The following ECM2 variants were observed in gnomAD, a reference collection of about 807,000 sequenced individuals.
ECM2 encodes the protein extracellular matrix protein 2, female organ and adipocyte specific.
In ECM2, 57 loss-of-function variants were observed where a neutral mutation model predicts 67.5. The observed-to-expected ratio is 0.84, with a 90% CI of 0.68 to 1.05. The LOEUF is 1.05. Among genes scored for constraint, ECM2 ranks in the 50% least tolerant of loss-of-function variants. The pLI is 0.00. For synonymous variants in ECM2, 258 were observed against 294.5 expected, an observed-to-expected ratio of 0.88 and a Z score of 1.27; for missense variants, 741 against 822.8, an observed-to-expected ratio of 0.90 and a Z score of 1.22.
rs767551123 is a variant in ECM2 at position 92,505,707 on chromosome 9, T to C, written c.1307-17A>G. ...GATTTAAGTCTATAAAAAATAAAAG[T>C]ATTAGAATATTAGGATAATTGAAAA... On this transcript the variant is annotated splice_polypyrimidine_tract_variant and intron_variant, in intron 6 of 9. Coordinates refer to ENST00000344604, the MANE Select transcript of ECM2 (RefSeq NM_001393.4). 9 of 1,530,896 alleles carry C rather than the reference T, an allele frequency of 5.9e-6. No individual in the cohort carries two copies. In the South Asian group the frequency reaches 1.1e-4, roughly 19 times the overall value. 94.8% of individuals were successfully genotyped at this position (1,530,896 alleles called of 1,614,324 possible).
intron 6 of ECM2, among the ~76,000 whole-genome samples, chr9:92,506,281 T>C (rs1166559248): frequency 2.0e-5 from 3 of 152,224 alleles, no homozygotes; most frequent in African/African-American, 7.2e-5. Context: ...AGTTACTCAC[T>C]TGTTGGCACA....
chr9:92,555,832 A>G, the ECM2 span, among the ~76,000 whole-genome samples: 2 of 152,174 alleles, frequency 1.3e-5, no homozygotes, highest in South Asian at 2.1e-4. Flanking sequence ...TATCTTTTCA[A>G]AGAAGCAGAT....
intron 1 of ECM2, among the ~76,000 whole-genome samples, chr9:92,526,854 C>T (rs1235312854): frequency 1.3e-5 from 2 of 152,070 alleles, no homozygotes; most frequent in East Asian, 1.9e-4. Context: ...ATAGTAATGT[C>T]CTAGGCCTTC....
intron 1 of ECM2, among the ~76,000 whole-genome samples, chr9:92,524,639 C>CT (rs1437050416): frequency 1.3e-5 from 2 of 152,194 alleles, no homozygotes; most frequent in Non-Finnish European, 2.9e-5. Flanking sequence ...GGTCCACTCA[C>CT]TGTCAGTGTT....
the ECM2 span, among the ~76,000 whole-genome samples, chr9:92,559,011 C>T: frequency 1.3e-5 from 2 of 152,112 alleles, no homozygotes; most frequent in Non-Finnish European, 2.9e-5. Flanking sequence ...TGTTTCCAAG[C>T]AGAGGGCAAG....
the ECM2 span, among the ~76,000 whole-genome samples, chr9:92,546,735 A>G: frequency 3.3e-5 from 5 of 152,210 alleles, no homozygotes; most frequent in East Asian, 3.8e-4. Flanking sequence ...TTCTGCACAC[A>G]ATACTATGAA....
At chr9:92,549,837 T>TA in the ECM2 span, among the ~76,000 whole-genome samples, 1 of 152,152 alleles carries the variant, frequency 6.6e-6, no homozygotes, top group Non-Finnish European at 1.5e-5. Flanking sequence ...GCAGTTCTCT[T>TA]ACTCCCTGAG....
chr9:92,540,864 G>C (rs979402178), upstream of ECM2, among the ~76,000 whole-genome samples: 1 of 152,148 alleles, frequency 6.6e-6, no homozygotes. Flanking sequence ...TGCCTTGCGA[G>C]TGTTTGCTAA....
At chr9:92,544,802 G>C in the ECM2 span, among the ~76,000 whole-genome samples, 1 of 147,222 alleles carries the variant, frequency 6.8e-6, no homozygotes, top group Non-Finnish European at 1.5e-5. Flanking sequence ...TGCAACCTCC[G>C]CCTCTCGGGT....
chr9:92,551,951 A>G, the ECM2 span, among the ~76,000 whole-genome samples: 3 of 117,424 alleles, frequency 2.6e-5, 1 homozygote, highest in Non-Finnish European at 5.0e-5. Flanking sequence ...ATATATATAT[A>G]TGATATATAT....
intron 3 of ECM2, 65 bp from the exon 4 acceptor site, chr9:92,515,268 T>A (rs1847631345): frequency 2.2e-6 from 3 of 1,394,538 alleles, no homozygotes; most frequent in African/African-American, 1.5e-5. Flanking sequence ...GAAAAAACCA[T>A]AATGAAAATG....
intron 1 of ECM2, among the ~76,000 whole-genome samples, chr9:92,526,280 A>G (rs1278722094): frequency 6.6e-6 from 1 of 152,234 alleles, no homozygotes; most frequent in East Asian, 1.9e-4. Context: ...AGCTTACAAA[A>G]TTACGCTATA....
At chr9:92,505,014 T>C (rs1017611444) in intron 7 of ECM2, among the ~76,000 whole-genome samples, 3 of 152,140 alleles carry the variant, frequency 2.0e-5, no homozygotes, top group Admixed American at 6.5e-5. Flanking sequence ...ACAGTTTTGG[T>C]AGGAACTGGG....
downstream of ECM2, among the ~76,000 whole-genome samples, chr9:92,494,776 G>A (rs751254806): frequency 2.1e-4 from 32 of 151,952 alleles, no homozygotes; most frequent in Non-Finnish European, 1.5e-4. Flanking sequence ...GAGTGGTGAC[G>A]CATGCCTATA....
At chr9:92,556,006 C>G in the ECM2 span, among the ~76,000 whole-genome samples, 3 of 152,052 alleles carry the variant, frequency 2.0e-5, no homozygotes, top group Non-Finnish European at 4.4e-5. Context: ...CTCTTTCAGA[C>G]TTTTTGATGT....
intron 3 of ECM2, 142 bp downstream of exon 3, chr9:92,517,543 CTA>C: frequency 1.8e-6 from 2 of 1,084,180 alleles, no homozygotes; most frequent in Admixed American, 4.3e-5. Context: ...CAGATATTTT[CTA>C]TGTTAATCAG....
At chr9:92,517,983 G>A in intron 2 of ECM2, 108 bp from the exon 3 acceptor site, 1 of 1,283,734 alleles carries the variant, frequency 7.8e-7, no homozygotes, top group Non-Finnish European at 1.1e-6. Context: ...CACAAGAATA[G>A]AATTCTATGT....
At chr9:92,507,787 C>G (rs1312469867) in intron 6 of ECM2, among the ~76,000 whole-genome samples, 3 of 152,188 alleles carry the variant, frequency 2.0e-5, no homozygotes, top group Non-Finnish European at 4.4e-5. Context: ...TCACACCTCT[C>G]TCTCAATTGT....
the ECM2 span, among the ~76,000 whole-genome samples, chr9:92,550,935 G>T: frequency 6.6e-6 from 1 of 152,094 alleles, no homozygotes; most frequent in African/African-American, 2.4e-5. Flanking sequence ...TCTTTCCCCA[G>T]CTCCATATGA....
Sources: allele counts gnomAD v4.1 joint callset (sites outside exome capture counted in the v4.1 genomes callset), GRCh38; gene constraint gnomAD v4.1.1; transcripts MANE v1.5; gene names NCBI Gene and HGNC (gene_info 2026-07-23, HGNC 2026-07-21).